Variants in THNSL1 observed in about 807,000 individuals in gnomAD.
THNSL1 encodes the protein threonine synthase-like 1.
THNSL1 carries 48 observed loss-of-function variants against 50.4 expected under a neutral mutation model. The ratio of observed to expected loss-of-function variants is 0.95; its 90% CI spans 0.76 to 1.21. The LOEUF is 1.21. THNSL1 is among the 50% of genes most tolerant of loss of function. The pLI is 0.00. For synonymous variants in THNSL1, 309 were observed against 306.1 expected, an observed-to-expected ratio of 1.01 and a Z score of -0.10; for missense variants, 896 against 871.7, an observed-to-expected ratio of 1.03 and a Z score of -0.35.
chr10:25,006,054 G>A, the THNSL1 span, among the ~76,000 whole-genome samples: 1 of 152,206 alleles, frequency 6.6e-6, no homozygotes, highest in East Asian at 1.9e-4. Context: ...CTTTTTAAAA[G>A]TGATTAGAAA....
the THNSL1 span, among the ~76,000 whole-genome samples, chr10:24,973,810 G>A: frequency 6.6e-6 from 1 of 152,008 alleles, no homozygotes; most frequent in Non-Finnish European, 1.5e-5. Flanking sequence ...CTGGAGTGAA[G>A]TGGCATGATC....
the THNSL1 span, among the ~76,000 whole-genome samples, chr10:24,959,461 A>T: frequency 6.6e-6 from 1 of 152,202 alleles, no homozygotes; most frequent in Non-Finnish European, 1.5e-5. Context: ...TTGGACACTG[A>T]TCTACATAGA....
At position 25,025,590 on chromosome 10, in the gene THNSL1, C is replaced by G; in HGVS notation, c.*135C>G. ...CTGTTTGGAATTTCAAAAGTCTGAT[C>G]TCTAGGGCTGACATGAGAACTCCAT... is the stretch of plus-strand genomic sequence containing the variant. On this transcript the variant is annotated 3_prime_UTR_variant, in exon 3 of 3. Coordinates refer to ENST00000376356, the MANE Select transcript of THNSL1 (RefSeq NM_024838.5). 1 of 860,204 alleles carries G rather than the reference C, an allele frequency of 1.2e-6. No individual in the cohort carries two copies. Among genetic ancestry groups the G allele is most frequent in the African/African-American group, 1.7e-5 (1 of 58,204 alleles). The allele number at this position is 860,204 out of a possible 1,614,324, so 53.3% of individuals were successfully genotyped here.
chr10:24,999,614 G>A, the THNSL1 span: 4 of 1,335,276 alleles, frequency 3.0e-6, no homozygotes, highest in African/African-American at 1.5e-5. Context: ...TTTACTTAAA[G>A]TTTAAATCTT....
intron 1 of THNSL1, among the ~76,000 whole-genome samples, chr10:25,017,852 G>A (rs1330585707): frequency 1.3e-5 from 2 of 152,022 alleles, no homozygotes; most frequent in Admixed American, 1.3e-4. Context: ...AAAATTTGGC[G>A]GGAAACCTCC....
At chr10:24,976,785 C>T in the THNSL1 span, among the ~76,000 whole-genome samples, 1 of 152,182 alleles carries the variant, frequency 6.6e-6, no homozygotes, top group Admixed American at 6.5e-5. Context: ...TGAGCCACCA[C>T]ACCTGGCTAT....
the THNSL1 span, among the ~76,000 whole-genome samples, chr10:25,001,182 A>T: frequency 6.6e-6 from 1 of 152,022 alleles, no homozygotes; most frequent in Non-Finnish European, 1.5e-5. Context: ...CCAAATTTCT[A>T]ACTGGTACCA....
At chr10:25,018,960 T>C (rs1389725931) in intron 1 of THNSL1, among the ~76,000 whole-genome samples, 2 of 152,196 alleles carry the variant, frequency 1.3e-5, no homozygotes, top group Non-Finnish European at 2.9e-5. Flanking sequence ...TCCTTGTGAT[T>C]ACAGAACTAT....
the THNSL1 span, among the ~76,000 whole-genome samples, chr10:25,000,299 G>T: frequency 1.3e-5 from 2 of 152,056 alleles, no homozygotes; most frequent in East Asian, 1.9e-4. Context: ...ATGTTGTGCC[G>T]CTGTTGGCTG....
intron 1 of THNSL1, 29 bp from the exon 2 acceptor site, chr10:25,021,713 T>C (rs1002797090): frequency 1.3e-5 from 2 of 152,206 alleles, no homozygotes; most frequent in African/African-American, 4.8e-5. Flanking sequence ...TATACAGTTA[T>C]GATTAACTTA....
the THNSL1 span, among the ~76,000 whole-genome samples, chr10:24,993,816 A>T: frequency 7.5e-4 from 115 of 152,332 alleles, no homozygotes; most frequent in African/African-American, 2.7e-3. Flanking sequence ...AAATGCATTC[A>T]AGTGGACAGC....
the THNSL1 span, among the ~76,000 whole-genome samples, chr10:24,954,582 T>C: frequency 2.0e-5 from 3 of 152,026 alleles, no homozygotes; most frequent in African/African-American, 7.2e-5. Flanking sequence ...AAACGTAAAA[T>C]CCAACAAGTT....
the THNSL1 span, among the ~76,000 whole-genome samples, chr10:24,970,587 C>T: frequency 6.6e-6 from 1 of 151,924 alleles, no homozygotes; most frequent in African/African-American, 2.4e-5. Flanking sequence ...GTAGTGTACA[C>T]CTGTAGTTCC....
chr10:24,988,268 A>ATGTGTATATATATATT, the THNSL1 span, among the ~76,000 whole-genome samples: 1 of 145,300 alleles, frequency 6.9e-6, no homozygotes, highest in African/African-American at 2.5e-5. Flanking sequence ...ATATATATTT[A>ATGTGTATATATATATT]TATATATGTG....
At chr10:25,011,329 T>G in the THNSL1 span, among the ~76,000 whole-genome samples, 296 of 152,296 alleles carry the variant, frequency 1.9e-3, no homozygotes, top group South Asian at 3.3e-3. Context: ...GAGTTCATTG[T>G]AGATTCTGGA....
chr10:24,962,891 A>G, the THNSL1 span, among the ~76,000 whole-genome samples: 4 of 152,234 alleles, frequency 2.6e-5, no homozygotes, highest in African/African-American at 9.6e-5. Context: ...TCAAACACAC[A>G]AAGCAAACAA....
chr10:25,019,795 A>C (rs567553379), intron 1 of THNSL1, among the ~76,000 whole-genome samples: 2 of 152,342 alleles, frequency 1.3e-5, no homozygotes, highest in South Asian at 4.1e-4. Context: ...AAAGCCTTGG[A>C]GTGCACTACC....
upstream of THNSL1, chr10:25,016,227 C>T (rs59511127): frequency 6.7e-3 from 7,242 of 1,088,166 alleles, 292 homozygotes; most frequent in African/African-American, 0.093. Context: ...TAGGTCTCCC[C>T]TCTTCCCTCT....
the THNSL1 span, among the ~76,000 whole-genome samples, chr10:24,999,978 TTTA>T: frequency 6.6e-6 from 1 of 152,224 alleles, no homozygotes; most frequent in South Asian, 2.1e-4. Flanking sequence ...TGTGCTTATC[TTTA>T]TTATTTCTTC....
Sources: allele counts gnomAD v4.1 joint callset (sites outside exome capture counted in the v4.1 genomes callset), GRCh38; gene constraint gnomAD v4.1.1; transcripts MANE v1.5; gene names NCBI Gene and HGNC (gene_info 2026-07-23, HGNC 2026-07-21).